TLE4: variants seen among roughly 807,000 people sequenced by gnomAD.
The protein encoded by TLE4 is transducin-like enhancer protein 4.
TLE4 carries 8 observed loss-of-function variants against 92.8 expected under a neutral mutation model. The observed-to-expected ratio is 0.09, with a 90% CI of 0.05 to 0.16. The LOEUF (loss-of-function observed/expected upper bound fraction) is 0.16, where lower values mean the gene tolerates loss of function less well. Among genes scored for constraint, TLE4 ranks in the 10% least tolerant of loss-of-function variants. The pLI is 1.00. For synonymous variants in TLE4, 371 were observed against 374.1 expected, an observed-to-expected ratio of 0.99 and a Z score of 0.10; for missense variants, 675 against 997.6, an observed-to-expected ratio of 0.68 and a Z score of 4.36.
At chr9:79,639,752 G>A (rs916993548) in intron 6 of TLE4, among the ~76,000 whole-genome samples, 78 of 152,160 alleles carry the variant, frequency 5.1e-4, no homozygotes, top group African/African-American at 1.9e-3. Flanking sequence ...GGATTAATAG[G>A]CCATATTGCA....
chr9:79,709,653 G>A lies in TLE4; in HGVS notation c.1294G>A (p.Val432Met), dbSNP rs1264270880. 2 of 1,614,002 alleles carry A rather than the reference G, an allele frequency of 1.2e-6. No individual in the cohort carries two copies. Among genetic ancestry groups the A allele is most frequent in the African/African-American group, 1.3e-5 (1 of 74,932 alleles). ...ATTTGATCCACACCATCACATGCGT[G>A]TGCCAGCAATACCTCCAAACCTGAC... ...VGFDPHHHMR[V>M]PAIPPNLTGI... The change falls in exon 14 of 20, where the codon GTG becomes ATG. Residue 432 changes from valine to methionine, a missense_variant. By Grantham distance (21) the Val-to-Met change is conservative. This residue lies in a region of TLE4 where 119 missense variants were observed against 175.9 expected (regional missense o/e 0.68). Coordinates refer to ENST00000376552, the MANE Select transcript of TLE4 (RefSeq NM_007005.6).
chr9:79,725,254 T>C lies in TLE4; in HGVS notation c.*110T>C, dbSNP rs1289346554. 1.3e-5 allele frequency: 9 copies of C among 710,560 alleles called. 1 individual carries two copies. In the South Asian group the frequency reaches 1.6e-4, roughly 12 times the overall value. The allele number at this position is 710,560 out of a possible 1,614,324, so 44.0% of individuals were successfully genotyped here. ...TAAAACCAAGGATTTCAGATACTCA[T>C]TGCAGTTGTGGAGTTTAATCCCCTT... On this transcript the variant is annotated 3_prime_UTR_variant, in exon 20 of 20. Transcript: ENST00000376552.
chr9:79,655,438 T>A (rs1257916201), intron 8 of TLE4, among the ~76,000 whole-genome samples: 1 of 152,176 alleles, frequency 6.6e-6, no homozygotes, highest in Non-Finnish European at 1.5e-5. Context: ...CGTTTTACAA[T>A]TAAAGGAATT....
At chr9:79,721,635 TC>T in intron 16 of TLE4, 105 bp from the exon 17 acceptor site, 5 of 1,505,190 alleles carry the variant, frequency 3.3e-6, no homozygotes, top group Non-Finnish European at 4.5e-6. Context: ...CAAAATGAAA[TC>T]TACAAATAAG....
intron 6 of TLE4, among the ~76,000 whole-genome samples, chr9:79,628,160 C>G (rs566967733): frequency 6.6e-6 from 1 of 151,974 alleles, no homozygotes; most frequent in African/African-American, 2.4e-5. Context: ...GGCAAGAAAT[C>G]ACAGCTGTAA....
At position 79,719,512 on chromosome 9, in the gene TLE4, A is replaced by G. The variant is rs868634430; in HGVS notation, c.1591-534A>G. Among the ~76,000 whole-genome samples the G allele has an allele frequency of 5.9e-5, 9 of 152,216 alleles. 1 individual carries two copies. In the Middle Eastern group the frequency reaches 0.027, roughly 463 times the overall value. ...AGGAACTTTTTTTTTCTGTAACTTAACACTCCATGATCAAGTCTTGCCTCT... is the reference window on the plus strand; with the variant it reads ...AGGAACTTTTTTTTTCTGTAACTTAGCACTCCATGATCAAGTCTTGCCTCT... On this transcript the variant is annotated intron_variant, in intron 15 of 19. Transcript: ENST00000376552.
intron 8 of TLE4, among the ~76,000 whole-genome samples, chr9:79,696,928 C>G (rs898484675): frequency 2.0e-5 from 3 of 152,256 alleles, no homozygotes; most frequent in Middle Eastern, 3.4e-3. Flanking sequence ...ACCCTCTCCA[C>G]TTTTGTTTTT....
In TLE4 at chr9:79,607,182, G is replaced by A. The variant is rs998472540; in HGVS notation, c.253-5474G>A. On this transcript the variant is annotated intron_variant, in intron 4 of 19. Coordinates refer to ENST00000376552, the MANE Select transcript of TLE4 (RefSeq NM_007005.6). ...GCATAAATGTCTTCTTTTGCGAAGT[G>A]TCTGTTCATATCCTTTGCCCACTTT... Among the ~76,000 whole-genome samples, 25 of 152,148 alleles carry A rather than the reference G, an allele frequency of 1.6e-4. 1 individual carries two copies. Among genetic ancestry groups the A allele is most frequent in the Non-Finnish European group, 7.4e-5 (5 of 68,022 alleles).
chr9:79,700,997 A>G (rs2069681626), intron 8 of TLE4, among the ~76,000 whole-genome samples: 1 of 152,220 alleles, frequency 6.6e-6, no homozygotes, highest in Non-Finnish European at 1.5e-5. Context: ...AGCTTTTAAA[A>G]TAATAATAGA....
chr9:79,625,327 A>G (rs572555619), intron 5 of TLE4, among the ~76,000 whole-genome samples: 13 of 152,100 alleles, frequency 8.5e-5, no homozygotes, highest in Admixed American at 1.3e-4. Context: ...CCTTAAATCT[A>G]TTTCTTTTAA....
At chr9:79,709,552 A>G in intron 13 of TLE4, 71 bp from the exon 14 acceptor site, 1 of 1,371,260 alleles carries the variant, frequency 7.3e-7, no homozygotes, top group African/African-American at 1.4e-5. Context: ...TTTAGAATAG[A>G]TTTTGAGAAG....
chr9:79,585,669 T>TA (rs1271554558), intron 4 of TLE4, among the ~76,000 whole-genome samples: 1 of 152,040 alleles, frequency 6.6e-6, no homozygotes, highest in Non-Finnish European at 1.5e-5. Flanking sequence ...TGAATTTTTT[T>TA]TTTTCAGTCT....
intron 8 of TLE4, among the ~76,000 whole-genome samples, chr9:79,696,188 A>G (rs1157316637): frequency 2.0e-5 from 3 of 152,322 alleles, no homozygotes; most frequent in Non-Finnish European, 4.4e-5. Flanking sequence ...TCATATTAAT[A>G]TGTGTATTGA....
chr9:79,616,760 A>G (rs570242918), intron 5 of TLE4, among the ~76,000 whole-genome samples: 1 of 152,222 alleles, frequency 6.6e-6, no homozygotes, highest in East Asian at 1.9e-4. Flanking sequence ...CCATCCCCCA[A>G]TTCCAGGAAC....
chr9:79,621,045 T>A (rs1482298579), intron 5 of TLE4, among the ~76,000 whole-genome samples: 1 of 152,190 alleles, frequency 6.6e-6, no homozygotes, highest in African/African-American at 2.4e-5. Flanking sequence ...GAATTACAAT[T>A]CAATGTGAGA....
At chr9:79,671,384 G>A (rs757740733) in intron 8 of TLE4, 4 of 394,190 alleles carry the variant, frequency 1.0e-5, no homozygotes, top group South Asian at 3.4e-5. Context: ...CGAGTGGCCC[G>A]AGGACTGTGA....
intron 4 of TLE4, chr9:79,580,343 A>C (rs1220247417): frequency 1.3e-5 from 2 of 152,264 alleles, no homozygotes; most frequent in African/African-American, 4.8e-5. Flanking sequence ...AATCAAGGCC[A>C]CTGTTGCAGA....
In TLE4 at chr9:79,708,574, C is replaced by T. The variant is rs1385906655; in HGVS notation, c.1070-19C>T. ...TTTCCTGTGTTCTTCATTTTTCTTC[C>T]ATCCATTTTGGTTTGCAGCCTCAAG... On this transcript the variant is annotated intron_variant, in intron 12 of 19. Coordinates refer to ENST00000376552, the MANE Select transcript of TLE4 (RefSeq NM_007005.6). The T allele has an allele frequency of 1.3e-6, 2 of 1,595,718 alleles. No individual in the cohort carries two copies. The highest frequency in any genetic ancestry group is 1.7e-6 in the Non-Finnish European group (2 of 1,170,256).
intron 6 of TLE4, among the ~76,000 whole-genome samples, chr9:79,631,505 G>T (rs2054187470): frequency 6.6e-6 from 1 of 151,974 alleles, no homozygotes; most frequent in South Asian, 2.1e-4. Context: ...AAATGACTTT[G>T]CCTTTACCAT....
Sources: gnomAD v4.1 joint callset for allele counts (sites outside exome capture counted in the v4.1 genomes callset) on GRCh38, gnomAD v4.1.1 for gene constraint, gnomAD v4.1.1 regional missense constraint, MANE v1.5 for transcripts, NCBI Gene and HGNC (gene_info 2026-07-23, HGNC 2026-07-21) for gene names.